MAMDC2: variants seen among roughly 807,000 people sequenced by gnomAD.
MAMDC2 encodes the protein MAM domain containing 2.
Under a neutral mutation model 89.8 loss-of-function variants are expected in MAMDC2, and 57 were observed. That is an observed-to-expected ratio of 0.63 (90% CI 0.51 to 0.79). MAMDC2 has a LOEUF of 0.79. MAMDC2 is among the 30% of genes least tolerant of loss of function. The pLI, the probability that MAMDC2 is intolerant of heterozygous loss-of-function variation, is 0.00. For missense variants in MAMDC2, 800 were observed against 820.6 expected, an observed-to-expected ratio of 0.97 and a Z score of 0.31; for synonymous variants, 313 against 293.4, an observed-to-expected ratio of 1.07 and a Z score of -0.68.
intron 5 of MAMDC2, 87 bp from the exon 6 acceptor site, chr9:70,126,072 A>G (rs2030523197): frequency 7.2e-7 from 1 of 1,380,500 alleles, no homozygotes; most frequent in African/African-American, 1.4e-5. Flanking sequence ...GATTATTTAG[A>G]ATGCAGAATC....
At chr9:70,083,003 A>G (rs1487262341) in intron 2 of MAMDC2, 1 of 152,222 alleles carries the variant, frequency 6.6e-6, no homozygotes, top group African/African-American at 2.4e-5. Flanking sequence ...AATATTCTAG[A>G]AGACACTACC....
intron 2 of MAMDC2, among the ~76,000 whole-genome samples, chr9:70,067,282 G>C (rs1331066515): frequency 2.0e-5 from 3 of 152,268 alleles, no homozygotes; most frequent in South Asian, 4.1e-4. Flanking sequence ...CTTTCCAGTG[G>C]CTGTCCCACC....
chr9:70,120,254 T>C (rs2030224380), intron 5 of MAMDC2, among the ~76,000 whole-genome samples: 1 of 152,026 alleles, frequency 6.6e-6, no homozygotes, highest in Non-Finnish European at 1.5e-5. Context: ...CATCTCTGCA[T>C]CACACACACA....
chr9:70,196,207 C>A (rs1295942817), intron 11 of MAMDC2, among the ~76,000 whole-genome samples: 1 of 152,000 alleles, frequency 6.6e-6, no homozygotes, highest in Non-Finnish European at 1.5e-5. Flanking sequence ...TTGGCCCCAC[C>A]TTTGGCACAT....
intron 2 of MAMDC2, among the ~76,000 whole-genome samples, chr9:70,067,805 C>T (rs998550134): frequency 6.6e-6 from 1 of 152,186 alleles, no homozygotes; most frequent in Admixed American, 6.5e-5. Context: ...AATAGGCCTG[C>T]CTGCCAGTAT....
chr9:70,162,495 T>G (rs2032006883), intron 9 of MAMDC2, among the ~76,000 whole-genome samples: 1 of 151,580 alleles, frequency 6.6e-6, no homozygotes, highest in Non-Finnish European at 1.5e-5. Flanking sequence ...ACTTTTGTTT[T>G]GTTTTGTTTT....
At chr9:70,160,066 G>A (rs2182740) in intron 9 of MAMDC2, among the ~76,000 whole-genome samples, 119,189 of 151,974 alleles carry the variant, frequency 0.78, 46,866 homozygotes, top group Admixed American at 0.83. Flanking sequence ...AAAAAAATTC[G>A]CAAGGCATGG....
chr9:70,135,391 A>G (rs1340966734), intron 7 of MAMDC2, among the ~76,000 whole-genome samples: 1 of 152,134 alleles, frequency 6.6e-6, no homozygotes, highest in Non-Finnish European at 1.5e-5. Flanking sequence ...CTCTGGCCCC[A>G]TCTTCAGGAA....
intron 5 of MAMDC2, 85 bp downstream of exon 5, chr9:70,113,217 C>T (rs966754111): frequency 6.8e-7 from 1 of 1,480,444 alleles, no homozygotes; most frequent in African/African-American, 1.4e-5. Context: ...CTAGCTGTGG[C>T]TTCTGTCAAC....
intron 11 of MAMDC2, among the ~76,000 whole-genome samples, chr9:70,209,885 G>A (rs561180870): frequency 7.9e-5 from 12 of 152,194 alleles, no homozygotes; most frequent in East Asian, 3.9e-4. Flanking sequence ...CCTTCATTTC[G>A]TTATGTACCC....
chr9:70,146,596 A>G (rs2031411286), intron 9 of MAMDC2, among the ~76,000 whole-genome samples: 1 of 152,206 alleles, frequency 6.6e-6, no homozygotes, highest in Non-Finnish European at 1.5e-5. Context: ...GGATAAAATG[A>G]GAAATCAGAG....
chr9:70,146,523 G>T (rs1030225346), intron 9 of MAMDC2, among the ~76,000 whole-genome samples: 13 of 152,094 alleles, frequency 8.5e-5, no homozygotes, highest in Non-Finnish European at 4.4e-5. Flanking sequence ...GGAAACTAAA[G>T]TTCACTTACT....
chr9:70,189,988 A>G lies in MAMDC2; in HGVS notation c.1651+19357A>G, dbSNP rs1463501866. Among the ~76,000 whole-genome samples the G allele has an allele frequency of 2.0e-5, 3 of 152,146 alleles. 1 individual carries two copies. The highest frequency in any genetic ancestry group is 7.2e-5 in the African/African-American group (3 of 41,438). On this transcript the variant is annotated intron_variant, in intron 11 of 13. Coordinates refer to ENST00000377182, the MANE Select transcript of MAMDC2 (RefSeq NM_153267.5). ...GATACTCTCTATGCATTGAGTCATC[A>G]TTCTCATACTTTATTTAGAAATGGC...
chr9:70,204,754 C>T (rs931603177), intron 11 of MAMDC2, among the ~76,000 whole-genome samples: 10 of 152,088 alleles, frequency 6.6e-5, no homozygotes, highest in Admixed American at 3.3e-4. Flanking sequence ...GATATAGTCT[C>T]GTGGTGCGCC....
At chr9:70,070,487 A>C (rs60836347) in intron 2 of MAMDC2, among the ~76,000 whole-genome samples, 1 of 152,156 alleles carries the variant, frequency 6.6e-6, no homozygotes, top group Non-Finnish European at 1.5e-5. Flanking sequence ...AACCCCACTC[A>C]CTGCAATGTA....
At chr9:70,163,966 A>AC (rs2032078880) in intron 9 of MAMDC2, among the ~76,000 whole-genome samples, 2 of 151,914 alleles carry the variant, frequency 1.3e-5, no homozygotes, top group South Asian at 4.2e-4. Flanking sequence ...AAAAAAAAAA[A>AC]AAAAAAAATC....
At chr9:70,165,646 A>C (rs796875997) in intron 9 of MAMDC2, among the ~76,000 whole-genome samples, 7 of 152,302 alleles carry the variant, frequency 4.6e-5, no homozygotes, top group African/African-American at 1.7e-4. Flanking sequence ...CCACTGTGGC[A>C]ATTCACGAAG....
chr9:70,225,937 ACT>A, intron 13 of MAMDC2, 29 bp from the exon 14 acceptor site: 1 of 1,496,950 alleles, frequency 6.7e-7, no homozygotes, highest in Non-Finnish European at 9.2e-7. Context: ...TAATAAAAAT[ACT>A]GTTATTGTAT....
intron 9 of MAMDC2, among the ~76,000 whole-genome samples, chr9:70,146,535 A>T (rs1035137188): frequency 3.9e-5 from 6 of 152,214 alleles, no homozygotes; most frequent in Non-Finnish European, 1.5e-5. Flanking sequence ...TCACTTACTT[A>T]TATAACATAT....
Sources: gnomAD v4.1 joint callset for allele counts (sites outside exome capture counted in the v4.1 genomes callset) on GRCh38, gnomAD v4.1.1 for gene constraint, MANE v1.5 for transcripts, NCBI Gene and HGNC (gene_info 2026-07-23, HGNC 2026-07-21) for gene names.